The following TMEM45A variants were observed in gnomAD, a reference collection of about 807,000 sequenced individuals.
The protein encoded by TMEM45A is transmembrane protein 45A.
A neutral mutation model predicts 32.0 loss-of-function variants in TMEM45A; 25 were observed. That is an observed-to-expected ratio of 0.78 (90% confidence interval 0.57 to 1.09). TMEM45A has a LOEUF of 1.09. TMEM45A is among the 50% of genes least tolerant of loss of function. The pLI, the probability that TMEM45A is intolerant of heterozygous loss-of-function variation, is 0.00. For missense variants in TMEM45A, 302 were observed against 325.0 expected (o/e 0.93, Z 0.54); for synonymous variants, 122 against 114.8 (o/e 1.06, Z -0.40).
chr3:100,543,641 G>A (rs1007619577), intron 1 of TMEM45A, among the ~76,000 whole-genome samples: 2 of 152,154 alleles, frequency 1.3e-5, no homozygotes, highest in African/African-American at 4.8e-5. Context: ...GTTTTGCCTT[G>A]TGTTGAATTG....
intron 1 of TMEM45A, among the ~76,000 whole-genome samples, chr3:100,511,902 T>C (rs1708170067): frequency 6.6e-6 from 1 of 151,978 alleles, no homozygotes; most frequent in African/African-American, 2.4e-5. Flanking sequence ...GGTAAAGGGA[T>C]CAATTCAACA....
intron 1 of TMEM45A, among the ~76,000 whole-genome samples, chr3:100,527,528 G>A (rs1048426632): frequency 2.0e-5 from 3 of 152,162 alleles, no homozygotes; most frequent in Non-Finnish European, 4.4e-5. Flanking sequence ...GAGGTTGGGA[G>A]AAACATTGGA....
intron 1 of TMEM45A, among the ~76,000 whole-genome samples, chr3:100,518,473 A>T (rs62276559): frequency 0.34 from 52,124 of 152,120 alleles, 12,986 homozygotes; most frequent in African/African-American, 0.7. Flanking sequence ...CAATATGTGA[A>T]ACTTCTGTCC....
intron 5 of TMEM45A, 66 bp downstream of exon 5, chr3:100,569,033 T>C (rs1199016541): frequency 6.0e-6 from 9 of 1,493,140 alleles, no homozygotes; most frequent in Non-Finnish European, 1.8e-6. Context: ...GACTCAGTGG[T>C]ATTGAATTTA....
At chr3:100,564,550 C>G (rs1462488711) in intron 4 of TMEM45A, among the ~76,000 whole-genome samples, 1 of 151,340 alleles carries the variant, frequency 6.6e-6, no homozygotes, top group African/African-American at 2.4e-5. Context: ...GTGGCACAAT[C>G]TCAGCTCACT....
intron 1 of TMEM45A, among the ~76,000 whole-genome samples, chr3:100,525,559 A>T (rs1705526272): frequency 6.6e-6 from 1 of 152,258 alleles, no homozygotes; most frequent in Admixed American, 6.5e-5. Context: ...AAGGAAAATG[A>T]GAAGACCTAA....
At chr3:100,496,496 C>T (rs1264364954) in intron 1 of TMEM45A, among the ~76,000 whole-genome samples, 1 of 152,182 alleles carries the variant, frequency 6.6e-6, no homozygotes, top group Non-Finnish European at 1.5e-5. Context: ...GCTATGCTAC[C>T]TTAGGTATAA....
At chr3:100,574,443 A>G (rs575622900) in intron 5 of TMEM45A, 1 of 152,234 alleles carries the variant, frequency 6.6e-6, no homozygotes, top group Admixed American at 6.5e-5. Flanking sequence ...TCCCAAGACT[A>G]AACCAGGAAG....
intron 1 of TMEM45A, among the ~76,000 whole-genome samples, chr3:100,513,243 C>T (rs1292597930): frequency 6.6e-5 from 10 of 151,778 alleles, no homozygotes; most frequent in African/African-American, 2.4e-4. Context: ...ACTGGCAAAC[C>T]GAATCCAGCA....
intron 4 of TMEM45A, among the ~76,000 whole-genome samples, chr3:100,567,941 T>C (rs1293412058): frequency 6.6e-6 from 1 of 152,060 alleles, no homozygotes; most frequent in Non-Finnish European, 1.5e-5. Context: ...CCTGCCACCA[T>C]GCCTGGCTAA....
intron 4 of TMEM45A, among the ~76,000 whole-genome samples, chr3:100,568,021 A>G (rs58618663): frequency 0.21 from 31,619 of 151,922 alleles, 4,178 homozygotes; most frequent in African/African-American, 0.35. Flanking sequence ...TCCTGACCTC[A>G]TGATCCACCC....
chr3:100,524,665 T>C (rs1382177586), intron 1 of TMEM45A, among the ~76,000 whole-genome samples: 1 of 152,176 alleles, frequency 6.6e-6, no homozygotes, highest in East Asian at 1.9e-4. Context: ...CCCCACACCA[T>C]TTCCAGGGCA....
intron 1 of TMEM45A, among the ~76,000 whole-genome samples, chr3:100,493,242 T>C (rs1576250770): frequency 6.6e-6 from 1 of 151,948 alleles, no homozygotes; most frequent in Admixed American, 6.6e-5. Flanking sequence ...TTTATTTCTC[T>C]ATTTTCTTTC....
chr3:100,537,670 C>T (rs943510061), intron 1 of TMEM45A, among the ~76,000 whole-genome samples: 2 of 152,172 alleles, frequency 1.3e-5, no homozygotes, highest in African/African-American at 4.8e-5. Flanking sequence ...GCAAAGAAGG[C>T]GAGGCCATAA....
chr3:100,568,834 C>T lies in TMEM45A; in HGVS notation c.601C>T (p.Leu201=). Residue 201 remains leucine (L), a synonymous_variant, in exon 5 of 6, where the codon CTG becomes TTG. Transcript: ENST00000323523. ...TTCTAAATTACAGATTGGATTTGTC[C>T]TGTATCCCCCCAGTGGAGGTCCTGC... is the stretch of plus-strand genomic sequence containing the variant. ...GSWFFQIGFV[L]YPPSGGPAWD... is the part of the protein sequence containing the mutation. 6.2e-7 allele frequency: 1 copy of T among 1,609,996 alleles called. No homozygotes were observed. The highest frequency in any genetic ancestry group is 8.5e-7 in the Non-Finnish European group (1 of 1,177,342).
intron 5 of TMEM45A, among the ~76,000 whole-genome samples, chr3:100,574,870 C>T (rs1236963750): frequency 6.6e-6 from 1 of 152,162 alleles, no homozygotes; most frequent in Admixed American, 6.5e-5. Flanking sequence ...TTCAATTTTA[C>T]TGTCATATTG....
chr3:100,550,736 T>TA, intron 1 of TMEM45A, among the ~76,000 whole-genome samples: 1 of 152,220 alleles, frequency 6.6e-6, no homozygotes, highest in Non-Finnish European at 1.5e-5. Context: ...TCTTGGGCTC[T>TA]GCCCAATATT....
intron 5 of TMEM45A, among the ~76,000 whole-genome samples, chr3:100,575,822 G>A (rs1706673471): frequency 6.6e-6 from 1 of 152,338 alleles, no homozygotes; most frequent in East Asian, 1.9e-4. Flanking sequence ...AGGAAGTAGG[G>A]GCTGAATTTA....
At chr3:100,576,857 G>A in intron 5 of TMEM45A, 68 bp from the exon 6 acceptor site, 1 of 1,123,438 alleles carries the variant, frequency 8.9e-7, no homozygotes, top group Non-Finnish European at 1.3e-6. Context: ...GTGGTATAAT[G>A]GGTGCATATT....
Sources: allele counts gnomAD v4.1 joint callset (sites outside exome capture counted in the v4.1 genomes callset), GRCh38; gene constraint gnomAD v4.1.1; transcripts MANE v1.5; gene names NCBI Gene and HGNC (gene_info 2026-07-23, HGNC 2026-07-21).